The following FARS2 variants were observed in gnomAD, a reference collection of about 807,000 sequenced individuals.
FARS2 encodes phenylalanyl-tRNA synthetase 2, mitochondrial, also known as phenylalanine--tRNA ligase, mitochondrial.
A neutral mutation model predicts 46.4 loss-of-function variants in FARS2; 40 were observed. The ratio of observed to expected loss-of-function variants is 0.86; its 90% CI spans 0.67 to 1.12. The LOEUF is 1.12. FARS2 is among the 50% of genes most tolerant of loss of function. FARS2 has a pLI of 0.00. For synonymous variants in FARS2, 234 were observed against 214.9 expected, an observed-to-expected ratio of 1.09 and a Z score of -0.78; for missense variants, 513 against 567.9, an observed-to-expected ratio of 0.90 and a Z score of 0.98.
chr6:5,506,165 A>G (rs1374191363), intron 4 of FARS2, among the ~76,000 whole-genome samples: 1 of 152,200 alleles, frequency 6.6e-6, no homozygotes, highest in African/African-American at 2.4e-5. Flanking sequence ...GAGCAGGGCA[A>G]GAAAGCCTAT....
rs1248280073 is a variant in FARS2, at chr6:5,471,845, G to A, written c.904+40673G>A. On this transcript the variant is annotated intron_variant, in intron 4 of 6. Coordinates refer to ENST00000274680, the MANE Select transcript of FARS2 (RefSeq NM_006567.5). The surrounding 1 kb of genome is among the most constrained non-coding windows in gnomAD (Gnocchi z 4.1). ...GAGAATTGAGCCCAGGGAAGCTGCA[G>A]TGTGGTGCAGCAGATGCGTACTGGT... 1.3e-5 allele frequency among the ~76,000 whole-genome samples: 2 copies of A among 152,220 alleles called. No individual in the cohort carries two copies. Among genetic ancestry groups the A allele is most frequent in the Non-Finnish European group, 2.9e-5 (2 of 68,042 alleles).
intron 6 of FARS2, among the ~76,000 whole-genome samples, chr6:5,685,775 C>A (rs1757151597): frequency 6.6e-6 from 1 of 152,142 alleles, no homozygotes; most frequent in East Asian, 1.9e-4. Context: ...AGGCCGCACT[C>A]AAGGGCTTCC....
chr6:5,538,163 A>AT (rs1652382363), intron 4 of FARS2, among the ~76,000 whole-genome samples: 1 of 151,944 alleles, frequency 6.6e-6, no homozygotes, highest in Admixed American at 6.6e-5. Context: ...AAAAAAAAAA[A>AT]AAATACTGCC....
intron 6 of FARS2, among the ~76,000 whole-genome samples, chr6:5,701,775 G>A (rs1299847226): frequency 6.6e-6 from 1 of 152,162 alleles, no homozygotes; most frequent in Non-Finnish European, 1.5e-5. Context: ...TAAATAAAAA[G>A]GCTAATTGGA....
In FARS2 at chr6:5,369,239, G is replaced by T. The variant is rs1758884685; in HGVS notation, c.612+57G>T. On this transcript the variant is annotated intron_variant, in intron 2 of 6. Coordinates refer to ENST00000274680, the MANE Select transcript of FARS2 (RefSeq NM_006567.5). ...GATGTCATAGACATTTTATGTTGAG[G>T]TCACTAACATTTAGCTCGATGAGAC... The T allele has an allele frequency of 6.5e-6, 10 of 1,546,828 alleles. No homozygotes were observed. In the South Asian group the frequency reaches 1.1e-4, roughly 17 times the overall value.
chr6:5,372,887 G>C (rs1759144908), intron 2 of FARS2, among the ~76,000 whole-genome samples: 1 of 152,078 alleles, frequency 6.6e-6, no homozygotes, highest in Non-Finnish European at 1.5e-5. Flanking sequence ...CAAATTAAGT[G>C]TTCAATTTAT....
At chr6:5,390,751 G>A (rs575453781) in intron 2 of FARS2, among the ~76,000 whole-genome samples, 1 of 152,274 alleles carries the variant, frequency 6.6e-6, no homozygotes, top group South Asian at 2.1e-4. Flanking sequence ...TCAAGCCCGG[G>A]TGTCCTAATA....
intron 4 of FARS2, among the ~76,000 whole-genome samples, chr6:5,481,669 A>T (rs1240798164): frequency 3.9e-5 from 6 of 152,152 alleles, no homozygotes; most frequent in Admixed American, 3.3e-4. Flanking sequence ...TGCATTTGGC[A>T]TGCACAGCTT....
intron 4 of FARS2, among the ~76,000 whole-genome samples, chr6:5,435,430 A>G (rs1453010074): frequency 6.6e-6 from 1 of 152,244 alleles, no homozygotes; most frequent in Admixed American, 6.5e-5. Context: ...TGTGGCATAT[A>G]TGTGTTTTTA....
chr6:5,381,114 C>G lies in FARS2; in HGVS notation c.612+11932C>G, dbSNP rs113278307. Reference sequence around the variant, plus strand: ...CTCCTGGGTTCACGCCATTCTCCTGCCTCAGCCTCCTGAGTAGCTGGACCT... The same window carrying G: ...CTCCTGGGTTCACGCCATTCTCCTGGCTCAGCCTCCTGAGTAGCTGGACCT... On this transcript the variant is annotated intron_variant, in intron 2 of 6. Coordinates refer to ENST00000274680, the MANE Select transcript of FARS2 (RefSeq NM_006567.5). Among the ~76,000 whole-genome samples the G allele has an allele frequency of 8.9e-3, 1,344 of 151,798 alleles. 16 individuals are homozygous for G. Among genetic ancestry groups the G allele is most frequent in the African/African-American group, 0.03 (1,253 of 41,426 alleles).
intron 4 of FARS2, among the ~76,000 whole-genome samples, chr6:5,516,703 A>G (rs1768818290): frequency 6.6e-6 from 1 of 152,236 alleles, no homozygotes; most frequent in Non-Finnish European, 1.5e-5. Context: ...GACCATAGGT[A>G]TCATGTTATA....
intron 6 of FARS2, among the ~76,000 whole-genome samples, chr6:5,736,981 A>G (rs1760993787): frequency 6.6e-6 from 1 of 152,176 alleles, no homozygotes; most frequent in Non-Finnish European, 1.5e-5. Context: ...ACACTAAGGC[A>G]GATTATTTTG....
intron 1 of FARS2, among the ~76,000 whole-genome samples, chr6:5,295,574 T>C (rs565645897): frequency 4.3e-4 from 65 of 152,366 alleles, no homozygotes; most frequent in African/African-American, 1.5e-3. Flanking sequence ...TATTTATGAA[T>C]AGCAAGGGGA....
At chr6:5,409,441 A>ACT (rs60040964) in intron 3 of FARS2, among the ~76,000 whole-genome samples, 80,057 of 151,444 alleles carry the variant, frequency 0.53, 21,638 homozygotes, top group African/African-American at 0.65. Context: ...ACAGAGCGAG[A>ACT]CTGACTCAAA....
At chr6:5,305,996 G>A (rs1768675072) in intron 1 of FARS2, among the ~76,000 whole-genome samples, 2 of 152,246 alleles carry the variant, frequency 1.3e-5, no homozygotes, top group Non-Finnish European at 2.9e-5. Flanking sequence ...ATTTTAAAGG[G>A]AGAACATATA....
At chr6:5,770,274 G>A (rs767361703) in intron 6 of FARS2, among the ~76,000 whole-genome samples, 3 of 152,194 alleles carry the variant, frequency 2.0e-5, no homozygotes, top group Non-Finnish European at 4.4e-5. Context: ...CAGAAAGCAC[G>A]TGGCCTCTCC....
intron 4 of FARS2, among the ~76,000 whole-genome samples, chr6:5,442,458 C>A (rs887762824): frequency 7.3e-5 from 11 of 150,988 alleles, no homozygotes; most frequent in African/African-American, 2.7e-4. Flanking sequence ...CTTTAGGTTT[C>A]TTTATATAAC....
chr6:5,397,425 C>A (rs1434207955), intron 2 of FARS2, among the ~76,000 whole-genome samples: 2 of 152,058 alleles, frequency 1.3e-5, no homozygotes, highest in Non-Finnish European at 2.9e-5. Context: ...AGAGTGAGCC[C>A]TAAGGTAAAC....
At chr6:5,308,460 C>T (rs1342898555) in intron 1 of FARS2, among the ~76,000 whole-genome samples, 1 of 152,190 alleles carries the variant, frequency 6.6e-6, no homozygotes, top group East Asian at 1.9e-4. Context: ...CTTCCTAAAC[C>T]ATCTCTGGTA....
Sources: allele counts gnomAD v4.1 joint callset (sites outside exome capture counted in the v4.1 genomes callset), GRCh38; gene constraint gnomAD v4.1.1; non-coding constraint Gnocchi (gnomAD v3.1); transcripts MANE v1.5; gene names NCBI Gene and HGNC (gene_info 2026-07-23, HGNC 2026-07-21).